The following GAL3ST1 variants were observed in gnomAD, a reference collection of about 807,000 sequenced individuals.
The protein encoded by GAL3ST1 is galactosylceramide sulfotransferase.
GAL3ST1 carries 13 observed loss-of-function variants against 25.0 expected under a neutral mutation model. The observed-to-expected ratio is 0.52, with a 90% CI of 0.34 to 0.83. The LOEUF (loss-of-function observed/expected upper bound fraction) is 0.83. Ranked by LOEUF, GAL3ST1 falls within the 40% of genes least tolerant of loss-of-function variation. The probability of loss-of-function intolerance (pLI) is 0.02; values close to 1 mark genes in which losing one functional copy is unlikely to be tolerated. For synonymous variants in GAL3ST1, 274 were observed against 277.8 expected (o/e 0.99, Z 0.14); for missense variants, 474 against 613.6 (o/e 0.77, Z 2.40).
intron 3 of GAL3ST1, among the ~76,000 whole-genome samples, chr22:30,556,704 A>G (rs182146784): frequency 7.7e-4 from 118 of 152,262 alleles, no homozygotes; most frequent in African/African-American, 2.8e-3. Flanking sequence ...CTCATGCTCT[A>G]TGAGGAAGGC....
chr22:30,571,238 G>A (rs114862865), intron 1 of GAL3ST1, among the ~76,000 whole-genome samples: 3,714 of 152,194 alleles, frequency 0.024, 149 homozygotes, highest in East Asian at 0.2. Flanking sequence ...CAGCAGAAGG[G>A]GCGGATGGGA....
intron 2 of GAL3ST1, among the ~76,000 whole-genome samples, chr22:30,557,966 T>A (rs887518227): frequency 4.0e-4 from 60 of 151,898 alleles, no homozygotes; most frequent in African/African-American, 1.0e-3. Context: ...TTAATTTTTT[T>A]AAAAATAGAG....
chr22:30,554,894 T>C lies in GAL3ST1; in HGVS notation c.*59A>G, dbSNP rs1306453713. ...CTGGGGGCGGCCAGCACCAGCGGCG[T>C]CCTGCTCAGCCCCTCTGCAGGGAGC... is the stretch of plus-strand genomic sequence containing the variant. On this transcript the variant is annotated 3_prime_UTR_variant, in exon 4 of 4. Coordinates refer to ENST00000406361, the MANE Select transcript of GAL3ST1 (RefSeq NM_001318104.2). 2 of 1,342,436 alleles carry C rather than the reference T, an allele frequency of 1.5e-6. No individual in the cohort carries two copies. Among genetic ancestry groups the C allele is most frequent in the African/African-American group, 1.5e-5 (1 of 67,844 alleles). The allele number at this position is 1,342,436 out of a possible 1,614,324, so 83.2% of individuals were successfully genotyped here.
At position 30,556,049 on chromosome 22, in the gene GAL3ST1, G is replaced by A; in HGVS notation, c.176C>T (p.Pro59Leu). The A allele has an allele frequency of 1.9e-6, 3 of 1,612,126 alleles. No homozygotes were observed. The South Asian group carries it at 3.3e-5, about 18-fold the overall frequency. ...GCCGTTGGCCCGGATCACTGCCTCT[G>A]GCTCGAGTGCAGGTGGAGAGCAGGA... ...AASCSPPALE[P>L]EAVIRANGSA... The change falls in exon 4 of 4, where the codon CCA (proline) becomes CTA (leucine). Residue 59 changes from proline (P) to leucine (L), a missense_variant. This residue lies in a region of GAL3ST1 where 115 missense variants were observed against 109.2 expected (regional missense o/e 1.05). Coordinates refer to ENST00000406361, the MANE Select transcript of GAL3ST1 (RefSeq NM_001318104.2).
chr22:30,557,212 G>T, intron 3 of GAL3ST1, 50 bp downstream of exon 3: 1 of 1,594,182 alleles, frequency 6.3e-7, no homozygotes, highest in Non-Finnish European at 8.6e-7. Flanking sequence ...TGGGTGGGGT[G>T]CCATCCCTCC....
chr22:30,571,739 C>CTA (rs918508387), intron 1 of GAL3ST1, among the ~76,000 whole-genome samples: 40 of 152,124 alleles, frequency 2.6e-4, no homozygotes, highest in African/African-American at 9.2e-4. Context: ...TGGTGGGCGC[C>CTA]TATAGTCCCA....
At chr22:30,570,977 TACACACACACACAC>T (rs67031445) in intron 1 of GAL3ST1, among the ~76,000 whole-genome samples, 4 of 146,088 alleles carry the variant, frequency 2.7e-5, no homozygotes, top group Admixed American at 6.9e-5. Context: ...TCTGTGATGA[TACACACACACACAC>T]ACACACACAC....
chr22:30,573,628 C>T (rs1197376798), intron 1 of GAL3ST1, among the ~76,000 whole-genome samples: 1 of 152,236 alleles, frequency 6.6e-6, no homozygotes, highest in Non-Finnish European at 1.5e-5. Context: ...GATTCTCATG[C>T]ACCTGTCACC....
chr22:30,573,308 C>T (rs1446424892), intron 1 of GAL3ST1, among the ~76,000 whole-genome samples: 1 of 152,154 alleles, frequency 6.6e-6, no homozygotes, highest in Non-Finnish European at 1.5e-5. Context: ...GGGGCCAGGG[C>T]AAGACTCCTA....
In GAL3ST1 at chr22:30,555,609, G is replaced by T. The variant is rs565594295; in HGVS notation, c.616C>A (p.Pro206Thr). ...FLQDPDRYYD[P>T]NGFNAHYLRN... Reference sequence around the variant, plus strand: ...AGGTAGTGGGCATTGAAGCCGTTGGGGTCGTAGTAGCGATCCGGGTCTTGC... The same window carrying T: ...AGGTAGTGGGCATTGAAGCCGTTGGTGTCGTAGTAGCGATCCGGGTCTTGC... The change falls in exon 4 of 4, where the codon CCC (proline) becomes ACC (threonine). Residue 206 changes from proline (P) to threonine (T), a missense_variant. Transcript: ENST00000406361. This position sits in a 1 kb window ranked among gnomAD's most constrained non-coding sequence, Gnocchi z 8.6. 17 of 1,613,624 alleles carry T rather than the reference G, an allele frequency of 1.1e-5. No homozygotes were observed. The African/African-American group carries it at 1.6e-4, about 15-fold the overall frequency.
intron 1 of GAL3ST1, among the ~76,000 whole-genome samples, chr22:30,570,353 C>T (rs1264236123): frequency 6.6e-6 from 1 of 152,200 alleles, no homozygotes; most frequent in African/African-American, 2.4e-5. Context: ...ACCCAGCAAT[C>T]CACCTGCAGG....
chr22:30,566,412 C>T (rs2086625333), intron 1 of GAL3ST1, among the ~76,000 whole-genome samples: 1 of 152,218 alleles, frequency 6.6e-6, no homozygotes, highest in Admixed American at 6.5e-5. Context: ...CTCTTGTTAT[C>T]ACCTCCATTT....
intron 1 of GAL3ST1, among the ~76,000 whole-genome samples, chr22:30,568,113 C>G (rs988828870): frequency 2.0e-5 from 3 of 152,246 alleles, no homozygotes; most frequent in East Asian, 1.9e-4. Context: ...CAGGAACACA[C>G]AGCTGTGAGG....
At position 30,555,527 on chromosome 22, in the gene GAL3ST1, G is replaced by A; in HGVS notation, c.698C>T (p.Pro233Leu). Residue 233 changes from proline to leucine, a missense_variant, in exon 4 of 4, where the codon CCG becomes CTG. Pro to Leu is a moderately conservative substitution (Grantham distance 98, BLOSUM62 -3). Coordinates refer to ENST00000406361, the MANE Select transcript of GAL3ST1 (RefSeq NM_001318104.2). This position sits in a 1 kb window ranked among gnomAD's most constrained non-coding sequence, Gnocchi z 8.6. ...GYDNSLDPSS[P>L]QVQEHILEVE... The stretch of plus-strand genomic sequence containing the variant: ...CTCCAGGATGTGCTCCTGCACCTGC[G>A]GGCTGCTGGGGTCCAGGCTGTTGTC... The A allele has an allele frequency of 6.2e-7, 1 of 1,613,660 alleles. No individual in the cohort carries two copies. Among genetic ancestry groups the A allele is most frequent in the South Asian group, 1.1e-5 (1 of 91,082 alleles).
In GAL3ST1 at chr22:30,574,585, T is replaced by G. The variant is rs1399495165; in HGVS notation, c.-239A>C. ...CCCCCGCTCCACCAGGCCTGGTCCA[T>G]GCCCCCGCCCCCGCCGCCGCTGCCG... On this transcript the variant is annotated 5_prime_UTR_variant, in exon 1 of 4. An upstream start codon of the reference 5' UTR is lost. Transcript: ENST00000406361. 1 of 144,664 alleles carries G rather than the reference T, an allele frequency of 6.9e-6. No homozygotes were observed. The allele number at this position is 144,664 out of a possible 1,614,324, so 9.0% of individuals were successfully genotyped here. A position where few individuals can be genotyped will look rare whatever the true frequency, so the allele number is the denominator to read the frequency against.
At chr22:30,570,519 G>A (rs972280926) in intron 1 of GAL3ST1, among the ~76,000 whole-genome samples, 1 of 152,172 alleles carries the variant, frequency 6.6e-6, no homozygotes, top group Non-Finnish European at 1.5e-5. Flanking sequence ...TTGCCTGACC[G>A]GATGTGGTGG....
intron 1 of GAL3ST1, among the ~76,000 whole-genome samples, chr22:30,569,157 G>A (rs1601979620): frequency 6.6e-6 from 1 of 151,914 alleles, no homozygotes; most frequent in Non-Finnish European, 1.5e-5. Context: ...CCTGTGGGCT[G>A]TAGGGACAGA....
rs751342433 is a variant in GAL3ST1 at position 30,557,336 on chromosome 22, G to A, written c.57C>T (p.Gly19=). 10 of 1,614,072 alleles carry A rather than the reference G, an allele frequency of 6.2e-6. No individual in the cohort carries two copies. In the East Asian group the frequency reaches 1.6e-4, roughly 25 times the overall value. ...WESMAKGLVL[G]ALFTSFLLLV... is the part of the protein sequence containing the mutation. ...GCAGCAGGAAACTAGTGAAGAGCGC[G>A]CCCAGCACCAGCCCCTTAGCCATGG... Residue 19 remains glycine (G), a synonymous_variant, in exon 3 of 4, where the codon GGC becomes GGT. Transcript: ENST00000406361.
chr22:30,567,836 A>T (rs536450824), intron 1 of GAL3ST1, among the ~76,000 whole-genome samples: 111 of 152,116 alleles, frequency 7.3e-4, no homozygotes, highest in African/African-American at 2.6e-3. Flanking sequence ...GGCACCCGCC[A>T]CCACACCCAG....
Sources: allele counts gnomAD v4.1 joint callset (sites outside exome capture counted in the v4.1 genomes callset), GRCh38; gene constraint gnomAD v4.1.1; regional missense constraint gnomAD v4.1.1; non-coding constraint Gnocchi (gnomAD v3.1); transcripts MANE v1.5; gene names NCBI Gene and HGNC (gene_info 2026-07-23, HGNC 2026-07-21).